The following NME9 variants were observed in gnomAD, a reference collection of about 807,000 sequenced individuals.
NME9 encodes the protein thioredoxin domain-containing protein 6.
A neutral mutation model predicts 44.4 loss-of-function variants in NME9; 48 were observed. That is an observed-to-expected ratio of 1.08 (90% CI 0.86 to 1.37). NME9 has a LOEUF of 1.37. Ranked by LOEUF, NME9 falls within the 40% of genes most tolerant of loss-of-function variation. The probability of loss-of-function intolerance (pLI) is 0.00; values close to 1 mark genes in which losing one functional copy is unlikely to be tolerated. For synonymous variants in NME9, 139 were observed against 147.1 expected (o/e 0.94, Z 0.40); for missense variants, 325 against 405.2 (o/e 0.80, Z 1.70).
chr3:138,274,496 C>T (rs1190321506), intron 8 of NME9: 8 of 1,613,042 alleles, frequency 5.0e-6, no homozygotes, highest in Middle Eastern at 1.7e-4. Flanking sequence ...TTATGCAAGC[C>T]GTCACTCTTA....
intron 8 of NME9, among the ~76,000 whole-genome samples, chr3:138,269,820 C>CT (rs77095833): frequency 0.55 from 66,647 of 121,606 alleles, 17,930 homozygotes; most frequent in East Asian, 0.84. Context: ...TGTTTTCTTT[C>CT]TTTTTTTTTT....
intron 2 of NME9, among the ~76,000 whole-genome samples, chr3:138,322,319 T>C (rs1410752684): frequency 7.6e-6 from 1 of 130,994 alleles, no homozygotes; most frequent in African/African-American, 3.0e-5. Context: ...GCCCTGGCTC[T>C]GTGAGGAGTG....
At chr3:138,271,215 T>C (rs954356369) in intron 8 of NME9, among the ~76,000 whole-genome samples, 1 of 152,242 alleles carries the variant, frequency 6.6e-6, no homozygotes, top group Non-Finnish European at 1.5e-5. Flanking sequence ...TGCACAGCTT[T>C]TAGCACTTCT....
chr3:138,288,634 A>AC (rs2050645771), intron 8 of NME9, among the ~76,000 whole-genome samples: 1 of 131,774 alleles, frequency 7.6e-6, no homozygotes, highest in African/African-American at 2.7e-5. Context: ...TCTTCTTCAG[A>AC]CTTTTTTTTT....
chr3:138,287,862 T>G, intron 8 of NME9: 1 of 297,934 alleles, frequency 3.4e-6, no homozygotes, highest in Admixed American at 4.3e-5. Flanking sequence ...TACTAGAAAT[T>G]TTTTTTATTG....
intron 8 of NME9, chr3:138,270,186 C>CT (rs1175707589): frequency 7.7e-7 from 1 of 1,294,806 alleles, no homozygotes; most frequent in African/African-American, 1.5e-5. Flanking sequence ...CAGCTATTGT[C>CT]TAAGTTAGAA....
intron 8 of NME9, among the ~76,000 whole-genome samples, chr3:138,267,819 A>C (rs1273773558): frequency 6.6e-6 from 1 of 152,236 alleles, no homozygotes; most frequent in Non-Finnish European, 1.5e-5. Flanking sequence ...TTATGTCATA[A>C]TACCCCTGAT....
chr3:138,279,931 G>A (rs1020694781), intron 8 of NME9, among the ~76,000 whole-genome samples: 2 of 151,620 alleles, frequency 1.3e-5, no homozygotes, highest in African/African-American at 4.9e-5. Context: ...TGGAGACAGA[G>A]TCTCGCTGTG....
exon 9 of NME9, chr3:138,262,320 G>C: frequency 1.8e-6 from 1 of 546,580 alleles, no homozygotes; most frequent in Non-Finnish European, 3.2e-6. Context: ...TCTAGGGCGA[G>C]GAGTAGATCA....
At chr3:138,325,536 G>A (rs992316666) in intron 1 of NME9, among the ~76,000 whole-genome samples, 1 of 151,888 alleles carries the variant, frequency 6.6e-6, no homozygotes, top group African/African-American at 2.4e-5. Context: ...AGCCTCCTGA[G>A]GAGCTGGGAT....
At chr3:138,288,653 T>C (rs1051292686) in intron 8 of NME9, among the ~76,000 whole-genome samples, 2 of 150,698 alleles carry the variant, frequency 1.3e-5, no homozygotes, top group Admixed American at 6.6e-5. Flanking sequence ...TTTTTTTTTT[T>C]TTTGAGACGG....
At position 138,279,675 on chromosome 3, in the gene NME9, G is replaced by A. The variant is rs984379587; in HGVS notation, c.746-17089C>T. 2.6e-5 allele frequency among the ~76,000 whole-genome samples: 4 copies of A among 152,242 alleles called. No individual in the cohort carries two copies. In the East Asian group the frequency reaches 5.8e-4, roughly 22 times the overall value. On this transcript the variant is annotated intron_variant, in intron 8 of 8. Coordinates refer to the NME9 transcript ENST00000317876. ...TTGGAATCATCTGGATACGATGACCGTTTTGTGGAAAGGTGTTTAACTACA... is the reference window on the plus strand; with the variant it reads ...TTGGAATCATCTGGATACGATGACCATTTTGTGGAAAGGTGTTTAACTACA...
intron 8 of NME9, among the ~76,000 whole-genome samples, chr3:138,292,372 A>G (rs1463620344): frequency 6.6e-6 from 1 of 152,176 alleles, no homozygotes; most frequent in Non-Finnish European, 1.5e-5. Context: ...CACTCTGGTG[A>G]CTTACAGAGA....
At chr3:138,270,274 A>G (rs1385074466) in intron 8 of NME9, 3 of 618,698 alleles carry the variant, frequency 4.8e-6, no homozygotes, top group South Asian at 2.4e-5. Context: ...TCTAATGACT[A>G]GGACCTAGAA....
chr3:138,326,558 C>G (rs1217849526), intron 1 of NME9, among the ~76,000 whole-genome samples: 2 of 151,940 alleles, frequency 1.3e-5, no homozygotes, highest in African/African-American at 4.8e-5. Flanking sequence ...CTCAGCCTCC[C>G]AAGTAGCTGG....
At chr3:138,329,050 A>G (rs981553886) in intron 1 of NME9, among the ~76,000 whole-genome samples, 1 of 152,230 alleles carries the variant, frequency 6.6e-6, no homozygotes, top group Non-Finnish European at 1.5e-5. Context: ...TGGTTGTATA[A>G]GCACTATAAA....
intron 2 of NME9, 93 bp downstream of exon 2, chr3:138,324,780 G>A: frequency 1.1e-6 from 1 of 921,254 alleles, no homozygotes; most frequent in South Asian, 1.4e-5. Flanking sequence ...ATAGGAAAGT[G>A]GTGTTCATTG....
chr3:138,267,131 T>C, intron 8 of NME9: 1 of 1,223,662 alleles, frequency 8.2e-7, no homozygotes, highest in Non-Finnish European at 1.2e-6. Context: ...AAATCATTAG[T>C]AGTATCCTTT....
chr3:138,311,444 G>T (rs971068613), intron 6 of NME9, among the ~76,000 whole-genome samples: 1 of 152,068 alleles, frequency 6.6e-6, no homozygotes, highest in African/African-American at 2.4e-5. Context: ...ACAACAAAAC[G>T]AGAAAACCAG....
Sources: gnomAD v4.1 joint callset for allele counts (sites outside exome capture counted in the v4.1 genomes callset) on GRCh38, gnomAD v4.1.1 for gene constraint, MANE v1.5 for transcripts, NCBI Gene and HGNC (gene_info 2026-07-23, HGNC 2026-07-21) for gene names.